The following KIRREL3 variants were observed in gnomAD, a reference collection of about 807,000 sequenced individuals.
KIRREL3 encodes the protein kirre like nephrin family adhesion molecule 3.
KIRREL3 carries 36 observed loss-of-function variants against 89.7 expected under a neutral mutation model. The ratio of observed to expected loss-of-function variants is 0.40; its 90% CI spans 0.31 to 0.53. The LOEUF (loss-of-function observed/expected upper bound fraction) is 0.53. Ranked by LOEUF, KIRREL3 falls within the 20% of genes least tolerant of loss-of-function variation. The probability of loss-of-function intolerance (pLI) is 0.49; values close to 1 mark genes in which losing one functional copy is unlikely to be tolerated. For missense variants in KIRREL3, 864 were observed against 1,056.6 expected (o/e 0.82, Z 2.53); for synonymous variants, 445 against 441.4 (o/e 1.01, Z -0.10).
chr11:126,638,687 G>T (rs978853756), intron 1 of KIRREL3, among the ~76,000 whole-genome samples: 1 of 152,182 alleles, frequency 6.6e-6, no homozygotes, highest in African/African-American at 2.4e-5. Context: ...CAGTTATTTG[G>T]TGGGCAGTTG....
rs1191001089 is a variant in KIRREL3, at chr11:126,772,609, AG to A, written c.56-209698del. 6.6e-6 allele frequency among the ~76,000 whole-genome samples: 1 copy of A among 152,184 alleles called. No individual in the cohort carries two copies. Among genetic ancestry groups the A allele is most frequent in the African/African-American group, 2.4e-5 (1 of 41,432 alleles). ...AATCAACGTGGGCAGGAAAGAGCAAAGGCAAGTGACAAGTTGCTAACTCATG... is the reference window on the plus strand; with the variant it reads ...AATCAACGTGGGCAGGAAAGAGCAAAGCAAGTGACAAGTTGCTAACTCATG... On this transcript the variant is annotated intron_variant, in intron 1 of 16. Transcript: ENST00000525144. This position sits in a 1 kb window ranked among gnomAD's most constrained non-coding sequence, Gnocchi z 4.6.
chr11:126,862,205 T>C (rs1944727452), intron 1 of KIRREL3, among the ~76,000 whole-genome samples: 1 of 152,238 alleles, frequency 6.6e-6, no homozygotes, highest in Admixed American at 6.5e-5. Context: ...ATAAAGGAGA[T>C]GCTAGGGTAA....
intron 2 of KIRREL3, among the ~76,000 whole-genome samples, chr11:126,554,265 A>G (rs1939526925): frequency 6.6e-6 from 1 of 152,170 alleles, no homozygotes; most frequent in South Asian, 2.1e-4. Flanking sequence ...AAGACAGCTA[A>G]GGTTTCATAG....
chr11:126,865,439 A>T (rs541856732), intron 1 of KIRREL3, among the ~76,000 whole-genome samples: 1 of 152,320 alleles, frequency 6.6e-6, no homozygotes, highest in Non-Finnish European at 1.5e-5. Context: ...ATTAGTAGAT[A>T]CTTTGGTATA....
rs1015156637 is a variant in KIRREL3 at position 127,000,745 on chromosome 11, C to G, written c.-236G>C. 14 of 534,796 alleles carry G rather than the reference C, an allele frequency of 2.6e-5. No individual in the cohort carries two copies. The Admixed American group carries it at 4.0e-4, about 15-fold the overall frequency. 33.1% of individuals were successfully genotyped at this position (534,796 alleles called of 1,614,324 possible). A position where few individuals can be genotyped will look rare whatever the true frequency, so the allele number is the denominator to read the frequency against. Reference sequence around the variant, plus strand: ...GGGAAGCCGGGATTGTCAGCAATGTCCCCACTCGGAGAAGATCCATTCTCT... The same window carrying G: ...GGGAAGCCGGGATTGTCAGCAATGTGCCCACTCGGAGAAGATCCATTCTCT... On this transcript the variant is annotated 5_prime_UTR_variant, in exon 1 of 17. Transcript: ENST00000525144. The surrounding 1 kb of genome is among the most constrained non-coding windows in gnomAD (Gnocchi z 7.1).
At position 126,525,467 on chromosome 11, in the gene KIRREL3, C is replaced by T. The variant is rs1005027208; in HGVS notation, c.283+1071G>A. 1.3e-5 allele frequency among the ~76,000 whole-genome samples: 2 copies of T among 152,212 alleles called. No homozygotes were observed. The highest frequency in any genetic ancestry group is 3.2e-3 in the Middle Eastern group (1 of 316). The stretch of plus-strand genomic sequence containing the variant: ...CAGCTGGGCTGCAGCGTTCAAACCT[C>T]GTGCCTGCTATTGACCATTGCTATA... On this transcript the variant is annotated intron_variant, in intron 3 of 16. Transcript: ENST00000525144. The surrounding 1 kb of genome is among the most constrained non-coding windows in gnomAD (Gnocchi z 5.4).
chr11:126,446,208 C>G (rs7924681), intron 9 of KIRREL3, among the ~76,000 whole-genome samples: 54,528 of 148,868 alleles, frequency 0.37, 11,384 homozygotes, highest in African/African-American at 0.58. Flanking sequence ...CCAAGGCTAA[C>G]GGTGGCTTTA....
chr11:126,975,101 C>T (rs1281095531), intron 1 of KIRREL3, among the ~76,000 whole-genome samples: 11 of 152,150 alleles, frequency 7.2e-5, no homozygotes, highest in South Asian at 2.1e-4. Context: ...TGAGCCACTG[C>T]GCCTGGCCTC....
chr11:126,782,650 G>T lies in KIRREL3; in HGVS notation c.55+217805C>A, dbSNP rs577931803. 1.2e-4 allele frequency among the ~76,000 whole-genome samples: 18 copies of T among 152,298 alleles called. No individual in the cohort carries two copies. In the South Asian group the frequency reaches 3.7e-3, roughly 32 times the overall value. The stretch of plus-strand genomic sequence containing the variant: ...AGGCGTTTCACTGTTGGAGTGGGAG[G>T]TTACAGATAAGCAAAAGGAGGGGGC... On this transcript the variant is annotated intron_variant, in intron 1 of 16. Coordinates refer to ENST00000525144, the MANE Select transcript of KIRREL3 (RefSeq NM_032531.4). The surrounding 1 kb of genome is among the most constrained non-coding windows in gnomAD (Gnocchi z 4.1).
In KIRREL3 at chr11:126,587,402, G is replaced by T. The variant is rs2134692109; in HGVS notation, c.56-24490C>A. ...CATGAGGCAGAGAGGTAAGCCAGGA[G>T]TAGTTTGCAGACCCCTGGCTGGGCA... On this transcript the variant is annotated intron_variant, in intron 1 of 16. Transcript: ENST00000525144. This position sits in a 1 kb window ranked among gnomAD's most constrained non-coding sequence, Gnocchi z 5.2. Among the ~76,000 whole-genome samples, 1 of 152,292 alleles carries T rather than the reference G, an allele frequency of 6.6e-6. No homozygotes were observed. Among genetic ancestry groups the T allele is most frequent in the South Asian group, 2.1e-4 (1 of 4,830 alleles).
At chr11:126,453,091 T>TC (rs1429593315) in intron 7 of KIRREL3, among the ~76,000 whole-genome samples, 1 of 24,802 alleles carries the variant, frequency 4.0e-5, no homozygotes, top group Non-Finnish European at 8.7e-5. Flanking sequence ...CTTCCCCACC[T>TC]CCCCCAGCCC....
Position 126,921,580 on chromosome 11 carries a change from TTCTATCTA to T in KIRREL3, c.55+78867_55+78874del, listed in dbSNP as rs201891981. The stretch of plus-strand genomic sequence containing the variant: ...ATCTATCAATCTATCTATATCTGTC[TTCTATCTA>T]TCTATCTATCTATCTATCTATCTAT... On this transcript the variant is annotated intron_variant, in intron 1 of 16. Coordinates refer to ENST00000525144, the MANE Select transcript of KIRREL3 (RefSeq NM_032531.4). Among the ~76,000 whole-genome samples the T allele has an allele frequency of 8.5e-3, 277 of 32,508 alleles. 14 individuals are homozygous for T. The highest frequency in any genetic ancestry group is 0.03 in the South Asian group (28 of 930). 21.3% of individuals were successfully genotyped at this position (32,508 alleles called of 152,430 possible). A position where few individuals can be genotyped will look rare whatever the true frequency, so the allele number is the denominator to read the frequency against.
At chr11:126,949,977 G>C (rs1350209146) in intron 1 of KIRREL3, among the ~76,000 whole-genome samples, 2 of 152,210 alleles carry the variant, frequency 1.3e-5, no homozygotes, top group Admixed American at 6.5e-5. Context: ...AGATGAATCA[G>C]GCAATAGGCC....
rs191165513 is a variant in KIRREL3 at position 126,555,415 on chromosome 11, G to T, written c.133+7420C>A. On this transcript the variant is annotated intron_variant, in intron 2 of 16. Coordinates refer to ENST00000525144, the MANE Select transcript of KIRREL3 (RefSeq NM_032531.4). This position sits in a 1 kb window ranked among gnomAD's most constrained non-coding sequence, Gnocchi z 4.2. Reference sequence around the variant, plus strand: ...CTCAGAGCTCTGAAAGGAAGGATCTGGTTCTACGGGAGCATGTGACACAGG... The same window carrying T: ...CTCAGAGCTCTGAAAGGAAGGATCTTGTTCTACGGGAGCATGTGACACAGG... Among the ~76,000 whole-genome samples the T allele has an allele frequency of 1.3e-5, 2 of 152,214 alleles. No homozygotes were observed. The highest frequency in any genetic ancestry group is 2.9e-5 in the Non-Finnish European group (2 of 68,040).
In KIRREL3 at chr11:126,605,396, C is replaced by T. The variant is rs546536722; in HGVS notation, c.56-42484G>A. 1.2e-3 allele frequency among the ~76,000 whole-genome samples: 177 copies of T among 152,256 alleles called. 5 individuals carry two copies. In the South Asian group the frequency reaches 0.034, roughly 29 times the overall value. On this transcript the variant is annotated intron_variant, in intron 1 of 16. Transcript: ENST00000525144. This position sits in a 1 kb window ranked among gnomAD's most constrained non-coding sequence, Gnocchi z 5.7. ...TCTCCAGGTCTCAGGCCACTTGGGT[C>T]TGGGATTTGAGGCTCAGGGGGAGGA...
rs568050232 is a variant in KIRREL3, at chr11:126,579,049, G to C, written c.56-16137C>G. ...CAGACCTCGATCAAACCCAAAGCCC[G>C]TGCTCTGTCCGTGTGCTGCCTCCGA... On this transcript the variant is annotated intron_variant, in intron 1 of 16. Transcript: ENST00000525144. This position sits in a 1 kb window ranked among gnomAD's most constrained non-coding sequence, Gnocchi z 5.3. 4.6e-5 allele frequency among the ~76,000 whole-genome samples: 7 copies of C among 152,160 alleles called. No homozygotes were observed. In the South Asian group the frequency reaches 1.0e-3, roughly 23 times the overall value.
Position 126,491,321 on chromosome 11 carries a change from G to A in KIRREL3, c.434-17855C>T, listed in dbSNP as rs553406043. Among the ~76,000 whole-genome samples the A allele has an allele frequency of 3.9e-5, 6 of 152,342 alleles. No individual in the cohort carries two copies. In the South Asian group the frequency reaches 6.2e-4, roughly 16 times the overall value. On this transcript the variant is annotated intron_variant, in intron 4 of 16. Transcript: ENST00000525144. The surrounding 1 kb of genome is among the most constrained non-coding windows in gnomAD (Gnocchi z 5.5). Reference sequence around the variant, plus strand: ...TAATGTGAGCCCAAGGAGGGCGGGCGCGTGCTGGCTCTGAGCGGGTGCTTT... The same window carrying A: ...TAATGTGAGCCCAAGGAGGGCGGGCACGTGCTGGCTCTGAGCGGGTGCTTT...
chr11:126,637,891 C>T (rs1018207767), intron 1 of KIRREL3, among the ~76,000 whole-genome samples: 10 of 152,142 alleles, frequency 6.6e-5, no homozygotes, highest in African/African-American at 1.9e-4. Flanking sequence ...GCAAGTAAAC[C>T]GATGACCATT....
intron 1 of KIRREL3, among the ~76,000 whole-genome samples, chr11:126,944,720 A>G (rs1365417444): frequency 6.6e-6 from 1 of 152,132 alleles, no homozygotes; most frequent in Admixed American, 6.5e-5. Flanking sequence ...GGAGAGTGAC[A>G]CCAGCCTTCC....
Sources: allele counts gnomAD v4.1 joint callset (sites outside exome capture counted in the v4.1 genomes callset), GRCh38; gene constraint gnomAD v4.1.1; non-coding constraint Gnocchi (gnomAD v3.1); transcripts MANE v1.5; gene names NCBI Gene and HGNC (gene_info 2026-07-23, HGNC 2026-07-21).